The following AFF3 variants were observed in gnomAD, a reference collection of about 807,000 sequenced individuals.
AFF3 encodes the protein ALF transcription elongation factor 3.
A neutral mutation model predicts 129.7 loss-of-function variants in AFF3; 32 were observed. The ratio of observed to expected loss-of-function variants is 0.25; its 90% CI spans 0.19 to 0.33. The LOEUF (loss-of-function observed/expected upper bound fraction) is 0.33, where lower values mean the gene tolerates loss of function less well. Ranked by LOEUF, AFF3 falls within the 10% of genes least tolerant of loss-of-function variation. The pLI is 1.00. For missense variants in AFF3, 1,373 were observed against 1,592.0 expected (o/e 0.86, Z 2.34); for synonymous variants, 644 against 635.4 (o/e 1.01, Z -0.20).
At chr2:100,045,446 T>C (rs937212695) in intron 4 of AFF3, among the ~76,000 whole-genome samples, 1 of 152,230 alleles carries the variant, frequency 6.6e-6, no homozygotes, top group Non-Finnish European at 1.5e-5. Flanking sequence ...AGAACTGCCT[T>C]ATGTCTTCCC....
chr2:99,560,529 G>GGTA, intron 20 of AFF3, 93 bp from the exon 21 acceptor site: 1 of 1,171,566 alleles, frequency 8.5e-7, no homozygotes, highest in African/African-American at 1.5e-5. Context: ...CTTCTATGAT[G>GGTA]GTAGTTCTCC....
intron 4 of AFF3, among the ~76,000 whole-genome samples, chr2:100,018,102 C>A (rs1287203727): frequency 6.6e-6 from 1 of 151,852 alleles, no homozygotes; most frequent in Non-Finnish European, 1.5e-5. Flanking sequence ...ATATGCAATT[C>A]AAATGACACA....
chr2:99,635,044 G>A (rs1683500356), intron 13 of AFF3, among the ~76,000 whole-genome samples: 1 of 148,882 alleles, frequency 6.7e-6, no homozygotes, highest in Non-Finnish European at 1.5e-5. Flanking sequence ...ATATCTCTAT[G>A]TACGTGATAT....
chr2:99,560,324 C>G (rs200653867), intron 21 of AFF3, 41 bp downstream of exon 21: 1 of 1,601,172 alleles, frequency 6.2e-7, no homozygotes, highest in African/African-American at 1.3e-5. Flanking sequence ...TGATGGCATG[C>G]GAGGCTGGGG....
chr2:99,786,668 A>G (rs531120653), intron 8 of AFF3, among the ~76,000 whole-genome samples: 3 of 152,282 alleles, frequency 2.0e-5, no homozygotes, highest in African/African-American at 7.2e-5. Context: ...CCGTAGTGCT[A>G]TAAAGTTGCA....
At chr2:99,626,782 T>C (rs1045158224) in intron 13 of AFF3, among the ~76,000 whole-genome samples, 3 of 152,168 alleles carry the variant, frequency 2.0e-5, no homozygotes, top group African/African-American at 4.8e-5. Flanking sequence ...TATGTGTCCA[T>C]GTGTTTTCAT....
chr2:99,608,058 C>T (rs182192387), intron 13 of AFF3, among the ~76,000 whole-genome samples: 100 of 152,320 alleles, frequency 6.6e-4, no homozygotes, highest in Middle Eastern at 6.8e-3. Flanking sequence ...CTCTATACAA[C>T]TTGGCTTTTG....
At chr2:99,633,413 C>T (rs537526289) in intron 13 of AFF3, among the ~76,000 whole-genome samples, 156 of 151,974 alleles carry the variant, frequency 1.0e-3, no homozygotes, top group African/African-American at 3.6e-3. Context: ...TGTAGCCTAA[C>T]GTATGGGTAG....
intron 8 of AFF3, among the ~76,000 whole-genome samples, chr2:99,761,659 T>C (rs1682607103): frequency 6.6e-6 from 1 of 152,238 alleles, no homozygotes; most frequent in Non-Finnish European, 1.5e-5. Context: ...TATGAAGACC[T>C]GCAAAGTCTG....
chr2:99,583,489 C>T (rs528526283), intron 16 of AFF3, among the ~76,000 whole-genome samples: 3 of 151,270 alleles, frequency 2.0e-5, no homozygotes, highest in African/African-American at 7.3e-5. Flanking sequence ...CTCAGGCAAT[C>T]CTCCCACTTC....
intron 13 of AFF3, among the ~76,000 whole-genome samples, chr2:99,628,870 G>A (rs1261846956): frequency 6.6e-6 from 1 of 152,052 alleles, no homozygotes; most frequent in Non-Finnish European, 1.5e-5. Context: ...ACAGGCGCGT[G>A]CCACCATGCC....
intron 8 of AFF3, among the ~76,000 whole-genome samples, chr2:99,758,250 C>G (rs1682280224): frequency 6.6e-6 from 1 of 152,154 alleles, no homozygotes; most frequent in Non-Finnish European, 1.5e-5. Flanking sequence ...GCTGCAAACT[C>G]AATTTTCGTA....
chr2:100,107,223 T>C, intron 2 of AFF3: 9 of 985,408 alleles, frequency 9.1e-6, no homozygotes, highest in Non-Finnish European at 1.1e-5. Flanking sequence ...GTCATGGAGA[T>C]AAATCCAAAA....
chr2:99,890,749 G>GAAGT, intron 7 of AFF3, among the ~76,000 whole-genome samples: 1 of 152,274 alleles, frequency 6.6e-6, no homozygotes, highest in East Asian at 1.9e-4. Context: ...AGTGACCTCT[G>GAAGT]CATGCCCCTG....
intron 8 of AFF3, among the ~76,000 whole-genome samples, chr2:99,797,174 TA>T (rs1685611317): frequency 6.6e-6 from 1 of 152,162 alleles, no homozygotes; most frequent in Non-Finnish European, 1.5e-5. Flanking sequence ...GTGTCAGACT[TA>T]TTGGACAAAG....
rs541263840 is a variant in AFF3, at chr2:99,642,225, T to A, written c.1184+7401A>T. Among the ~76,000 whole-genome samples the A allele has an allele frequency of 8.5e-5, 13 of 152,092 alleles. No homozygotes were observed. The South Asian group carries it at 2.5e-3, about 29-fold the overall frequency. On this transcript the variant is annotated intron_variant, in intron 13 of 24. Transcript: ENST00000672756. ...AGACTTCTCGATAGCATCATATAGT[T>A]CTCTTTTGTTATTGAGTTCTAATCT...
chr2:100,114,016 A>C (rs1238819625), intron 2 of AFF3, among the ~76,000 whole-genome samples: 3 of 152,180 alleles, frequency 2.0e-5, no homozygotes, highest in Non-Finnish European at 4.4e-5. Context: ...TGTTGTAAAA[A>C]CATTTTCAAG....
In AFF3 at chr2:99,618,144, G is replaced by A. The variant is rs114533087; in HGVS notation, c.1185-16523C>T. On this transcript the variant is annotated intron_variant, in intron 13 of 24. Transcript: ENST00000672756. ...ACCCTCTCTGAGCCTTGGCTACCTC[G>A]TTGACATTTAAAGGGGTAACAAAAG... Among the ~76,000 whole-genome samples the A allele has an allele frequency of 6.2e-4, 93 of 149,364 alleles. 1 individual carries two copies. The highest frequency in any genetic ancestry group is 1.9e-3 in the African/African-American group (77 of 40,580).
intron 1 of AFF3, among the ~76,000 whole-genome samples, chr2:100,142,161 T>C (rs1031273512): frequency 6.6e-6 from 1 of 152,056 alleles, no homozygotes; most frequent in African/African-American, 2.4e-5. Context: ...TAAATATGTG[T>C]GTGAGCATGT....
Sources: allele counts gnomAD v4.1 joint callset (sites outside exome capture counted in the v4.1 genomes callset), GRCh38; gene constraint gnomAD v4.1.1; transcripts MANE v1.5; gene names NCBI Gene and HGNC (gene_info 2026-07-23, HGNC 2026-07-21).